EVX1: variants seen among roughly 807,000 people sequenced by gnomAD.
EVX1 encodes the protein homeobox even-skipped homolog protein 1.
Under a neutral mutation model 28.6 loss-of-function variants are expected in EVX1, and 19 were observed. The ratio of observed to expected loss-of-function variants is 0.67; its 90% CI spans 0.46 to 0.98. EVX1 has a LOEUF of 0.98. Ranked by LOEUF, EVX1 falls within the 50% of genes least tolerant of loss-of-function variation. The pLI is 0.00. For synonymous variants in EVX1, 324 were observed against 278.2 expected (o/e 1.16, Z -1.64); for missense variants, 660 against 583.0 (o/e 1.13, Z -1.36).
rs1783228885 is a variant in EVX1 at position 27,247,574 on chromosome 7, C to T, written c.*1149C>T. On this transcript the variant is annotated 3_prime_UTR_variant, in exon 3 of 3. Coordinates refer to ENST00000496902, the MANE Select transcript of EVX1 (RefSeq NM_001989.5). ...GGAGCCTTCTGTCCCTTTTGGGGAC[C>T]CTGTCTGTGGCCTCCACCAGGGTTT... The T allele has an allele frequency of 6.6e-6, 1 of 152,106 alleles. No individual in the cohort carries two copies. The highest frequency in any genetic ancestry group is 1.5e-5 in the Non-Finnish European group (1 of 68,024). 9.4% of individuals were successfully genotyped at this position (152,106 alleles called of 1,614,324 possible).
intron 1 of EVX1, 23 bp from the exon 2 acceptor site, chr7:27,245,025 T>C: frequency 6.2e-7 from 1 of 1,603,420 alleles, no homozygotes; most frequent in Non-Finnish European, 8.5e-7. Flanking sequence ...TGTACACGCC[T>C]GTGCTCTGGA....
intron 2 of EVX1, 137 bp downstream of exon 2, chr7:27,245,441 G>T: frequency 3.1e-6 from 4 of 1,279,902 alleles, no homozygotes; most frequent in Non-Finnish European, 4.3e-6. Flanking sequence ...ATTGACCCTC[G>T]TGACAGCTCC....
Position 27,246,098 on chromosome 7 carries a change from C to T in EVX1, c.897C>T (p.Pro299=), listed in dbSNP as rs754108962. The T allele has an allele frequency of 1.0e-5, 16 of 1,559,222 alleles. No homozygotes were observed. The highest frequency in any genetic ancestry group is 1.3e-5 in the Non-Finnish European group (15 of 1,161,804). The change falls in exon 3 of 3, where the codon CCC becomes CCT. Residue 299 remains proline, a synonymous_variant. Coordinates refer to ENST00000496902, the MANE Select transcript of EVX1 (RefSeq NM_001989.5). ...CCGCCGCCTCCGCCGCCGCCTCGCCCTTCAGCGGCTCGCTGCGCCCGCTCG... is the reference window on the plus strand; with the variant it reads ...CCGCCGCCTCCGCCGCCGCCTCGCCTTTCAGCGGCTCGCTGCGCCCGCTCG... ...AASAASAAAS[P]FSGSLRPLDT...
rs565855810 is a variant in EVX1 at position 27,247,726 on chromosome 7, G to A, written c.*1301G>A. 6.6e-6 allele frequency: 1 copy of A among 152,238 alleles called. No individual in the cohort carries two copies. Among genetic ancestry groups the A allele is most frequent in the Non-Finnish European group, 1.5e-5 (1 of 68,046 alleles). 9.4% of individuals were successfully genotyped at this position (152,238 alleles called of 1,614,324 possible). A position where few individuals can be genotyped will look rare whatever the true frequency, so the allele number is the denominator to read the frequency against. On this transcript the variant is annotated 3_prime_UTR_variant, in exon 3 of 3. Coordinates refer to ENST00000496902, the MANE Select transcript of EVX1 (RefSeq NM_001989.5). Reference sequence around the variant, plus strand: ...GAGAGGGAGTGGTTCTTCCTGTAGGGAATGAATTTGGTTTGATTTGGGGTT... The same window carrying A: ...GAGAGGGAGTGGTTCTTCCTGTAGGAAATGAATTTGGTTTGATTTGGGGTT...
rs529530311 is a variant in EVX1, at chr7:27,246,574, G to A, written c.*149G>A. The stretch of plus-strand genomic sequence containing the variant: ...GGGCGGAAAAGGACCAGCGGGATCC[G>A]GCCGCAAGAATTGGAAAGCCTAGGA... On this transcript the variant is annotated 3_prime_UTR_variant, in exon 3 of 3. Coordinates refer to ENST00000496902, the MANE Select transcript of EVX1 (RefSeq NM_001989.5). 3.8e-5 allele frequency: 32 copies of A among 847,426 alleles called. No homozygotes were observed. The Admixed American group carries it at 9.0e-4, about 24-fold the overall frequency. The allele number at this position is 847,426 out of a possible 1,614,324, so 52.5% of individuals were successfully genotyped here.
chr7:27,243,009 T>TC lies in EVX1; in HGVS notation c.-17dup, dbSNP rs375314524. 5.0e-4 allele frequency: 760 copies of TC among 1,532,874 alleles called. 5 individuals are homozygous for TC. In the African/African-American group the frequency reaches 9.7e-3, roughly 20 times the overall value. The allele number at this position is 1,532,874 out of a possible 1,614,324, so 95.0% of individuals were successfully genotyped here. Reference sequence around the variant, plus strand: ...TAGGAACTCACTTGGGGCTTTCCCCTCCCCCACCGGAGAGCCCCGGGATGG... The same window carrying TC: ...TAGGAACTCACTTGGGGCTTTCCCCTCCCCCCACCGGAGAGCCCCGGGATGG... On this transcript the variant is annotated 5_prime_UTR_variant, in exon 1 of 3. Transcript: ENST00000496902.
chr7:27,243,035 A>C lies in EVX1; in HGVS notation c.5A>C (p.Glu2Ala), dbSNP rs1783064882. Residue 2 changes from glutamate (E) to alanine (A), a missense_variant, in exon 1 of 3, where the codon GAG becomes GCG. Glu to Ala is a moderately radical substitution (Grantham distance 107). Coordinates refer to ENST00000496902, the MANE Select transcript of EVX1 (RefSeq NM_001989.5). M[E>A]SRKDMVVFLD... ...CCCCCACCGGAGAGCCCCGGGATGG[A>C]GAGCCGAAAGGACATGGTTGTGTTT... 1 of 1,586,250 alleles carries C rather than the reference A, an allele frequency of 6.3e-7. No homozygotes were observed. Among genetic ancestry groups the C allele is most frequent in the Non-Finnish European group, 8.6e-7 (1 of 1,165,578 alleles).
In EVX1 at chr7:27,246,009, C is replaced by T. The variant is rs1379121406; in HGVS notation, c.808C>T (p.Pro270Ser). The change falls in exon 3 of 3, where the codon CCC becomes TCC. Residue 270 changes from proline to serine, a missense_variant. Around this residue, in one of 3 missense-constraint regions of EVX1, gnomAD observed 299 missense variants for 241.3 expected, o/e 1.24. Transcript: ENST00000496902. The stretch of plus-strand genomic sequence containing the variant: ...CCATGCGGCGGCCGCGGGCGGCCTG[C>T]CCTACCCCTTCCCATCGCACCTGCC... ...MSHAAAAGGLPYPFPSHLPLP... is the reference protein window; with the variant it reads ...MSHAAAAGGLSYPFPSHLPLP... The T allele has an allele frequency of 6.2e-7, 1 of 1,600,252 alleles. No homozygotes were observed. The highest frequency in any genetic ancestry group is 1.7e-5 in the Admixed American group (1 of 59,980).
At chr7:27,243,557 T>C in intron 1 of EVX1, 100 bp downstream of exon 1, 3 of 1,315,920 alleles carry the variant, frequency 2.3e-6, no homozygotes, top group Non-Finnish European at 3.0e-6. Flanking sequence ...TAGGGCAGGA[T>C]GGCTGGGGGG....
At chr7:27,245,432 T>C (rs1053552187) in intron 2 of EVX1, 128 bp downstream of exon 2, 1 of 1,360,430 alleles carries the variant, frequency 7.4e-7, no homozygotes, top group Non-Finnish European at 1.0e-6. Context: ...CGCGTGCAGA[T>C]TGACCCTCGT....
Position 27,245,366 on chromosome 7 carries a change from C to T in EVX1, c.684+62C>T, listed in dbSNP as rs554275336. On this transcript the variant is annotated intron_variant, in intron 2 of 2. Coordinates refer to ENST00000496902, the MANE Select transcript of EVX1 (RefSeq NM_001989.5). ...CTATTTAGCGGGAAGTAAATGCCAA[C>T]TGCCAACTCCCTGAAACGCAGGCCA... is the stretch of plus-strand genomic sequence containing the variant. The T allele has an allele frequency of 2.0e-3, 3,252 of 1,590,252 alleles. 30 individuals carry two copies. The Middle Eastern group carries it at 0.033, about 16-fold the overall frequency.
At position 27,246,117 on chromosome 7, in the gene EVX1, C is replaced by A; in HGVS notation, c.916C>A (p.Pro306Thr). 6.5e-7 allele frequency: 1 copy of A among 1,541,916 alleles called. No individual in the cohort carries two copies. The highest frequency in any genetic ancestry group is 8.7e-7 in the Non-Finnish European group (1 of 1,153,770). Residue 306 changes from proline to threonine, a missense_variant, in exon 3 of 3, where the codon CCG becomes ACG. Pro to Thr is a conservative substitution (Grantham distance 38). Around this residue, in one of 3 missense-constraint regions of EVX1, gnomAD observed 299 missense variants for 241.3 expected, o/e 1.24. Transcript: ENST00000496902. ...AASPFSGSLR[P>T]LDTFRVLSQP... Reference sequence around the variant, plus strand: ...CTCGCCCTTCAGCGGCTCGCTGCGCCCGCTCGACACGTTCCGCGTGCTGTC... The same window carrying A: ...CTCGCCCTTCAGCGGCTCGCTGCGCACGCTCGACACGTTCCGCGTGCTGTC...
At position 27,246,734 on chromosome 7, in the gene EVX1, A is replaced by C; in HGVS notation, c.*309A>C. On this transcript the variant is annotated 3_prime_UTR_variant, in exon 3 of 3. Transcript: ENST00000496902. ...AGGCTGTAGCTCCAAAGCTAAACAA[A>C]ACTTAGCAGCAACAGCAACCAATAT... is the stretch of plus-strand genomic sequence containing the variant. 2.0e-5 allele frequency: 8 copies of C among 401,612 alleles called. No individual in the cohort carries two copies. Among genetic ancestry groups the C allele is most frequent in the Admixed American group, 4.9e-5 (1 of 20,386 alleles). 24.9% of individuals were successfully genotyped at this position (401,612 alleles called of 1,614,324 possible).
rs1432342003 is a variant in EVX1 at position 27,242,951 on chromosome 7, C to T, written c.-80C>T. Reference sequence around the variant, plus strand: ...CTTTCTCCCTCTTGCAACCAAGATCCGTCCGGCCGCTGGAGACCCAGGGAG... The same window carrying T: ...CTTTCTCCCTCTTGCAACCAAGATCTGTCCGGCCGCTGGAGACCCAGGGAG... On this transcript the variant is annotated 5_prime_UTR_variant, in exon 1 of 3. Transcript: ENST00000496902. 4 of 1,378,140 alleles carry T rather than the reference C, an allele frequency of 2.9e-6. No individual in the cohort carries two copies. Among genetic ancestry groups the T allele is most frequent in the East Asian group, 5.4e-5 (2 of 36,920 alleles). The allele number at this position is 1,378,140 out of a possible 1,614,324, so 85.4% of individuals were successfully genotyped here.
In EVX1 at chr7:27,245,253, G is replaced by T. The variant is rs1783139127; in HGVS notation, c.633G>T (p.Pro211=). 4 of 1,613,474 alleles carry T rather than the reference G, an allele frequency of 2.5e-6. No homozygotes were observed. The highest frequency in any genetic ancestry group is 2.2e-5 in the East Asian group (1 of 44,882). ...ACCGGGAGAACTACGTATCCAGGCC[G>T]CGGAGATGTGAGCTGGCGGCCGCCC... ...EFYRENYVSR[P]RRCELAAALN... is the part of the protein sequence containing the mutation. The change falls in exon 2 of 3, where the codon CCG becomes CCT. Residue 211 remains proline, a synonymous_variant. Coordinates refer to ENST00000496902, the MANE Select transcript of EVX1 (RefSeq NM_001989.5).
In EVX1 at chr7:27,243,223, C is replaced by G. The variant is rs1213635866; in HGVS notation, c.193C>G (p.Pro65Ala). Residue 65 changes from proline to alanine, a missense_variant, in exon 1 of 3, where the codon CCG (proline) becomes GCG (alanine). This residue lies in a region of EVX1 where 308 missense variants were observed against 256.6 expected (regional missense o/e 1.20). Coordinates refer to ENST00000496902, the MANE Select transcript of EVX1 (RefSeq NM_001989.5). The part of the protein sequence containing the change: ...PATRERGGGG[P>A]EEEPVDGLAG... ...CACCCGGGAGCGCGGCGGGGGAGGC[C>G]CGGAGGAGGAGCCGGTAGATGGACT... 1.3e-6 allele frequency: 2 copies of G among 1,550,614 alleles called. No individual in the cohort carries two copies. Among genetic ancestry groups the G allele is most frequent in the Admixed American group, 3.9e-5 (2 of 51,060 alleles).
chr7:27,243,024 C>T lies in EVX1; in HGVS notation c.-7C>T. On this transcript the variant is annotated 5_prime_UTR_variant, in exon 1 of 3. Transcript: ENST00000496902. ...GGCTTTCCCCTCCCCCACCGGAGAG[C>T]CCCGGGATGGAGAGCCGAAAGGACA... The T allele has an allele frequency of 6.4e-7, 1 of 1,570,008 alleles. No homozygotes were observed.
chr7:27,244,412 G>A (rs755347789), intron 1 of EVX1: 424 of 832,738 alleles, frequency 5.1e-4, no homozygotes, highest in Non-Finnish European at 6.0e-4. Flanking sequence ...GGCAGCCAAC[G>A]CCTTGTTGAA....
rs1339165827 is a variant in EVX1 at position 27,243,439 on chromosome 7, G to T, written c.409G>T (p.Glu137Ter). 1 of 1,605,320 alleles carries T rather than the reference G, an allele frequency of 6.2e-7. No homozygotes were observed. The highest frequency in any genetic ancestry group is 1.7e-5 in the Admixed American group (1 of 59,036). Residue 137 changes from glutamate (E) to a stop codon, truncating the protein, a stop_gained, in exon 1 of 3, where the codon GAG becomes TAG. Coordinates refer to ENST00000496902, the MANE Select transcript of EVX1 (RefSeq NM_001989.5). LOFTEE classifies it high-confidence loss of function. ...CCCGGACTGCGCCACCGGGAACGCC[G>T]AGTACCAGCACAGCAAAGGTAGCCA... ...CTPDCATGNAEYQHSKGSGSE... is the reference protein window; with the variant it reads ...CTPDCATGNA
Sources: allele counts gnomAD v4.1 joint callset, GRCh38; gene constraint gnomAD v4.1.1; regional missense constraint gnomAD v4.1.1; transcripts MANE v1.5; gene names NCBI Gene and HGNC (gene_info 2026-07-23, HGNC 2026-07-21).